The following TBC1D5 variants were observed in gnomAD, a reference collection of about 807,000 sequenced individuals.
TBC1D5 encodes the protein TBC1 domain family member 5.
In TBC1D5, 75 loss-of-function variants were observed where a neutral mutation model predicts 100.3. The observed-to-expected ratio is 0.75, with a 90% CI of 0.62 to 0.91. The LOEUF is 0.91. Ranked by LOEUF, TBC1D5 falls within the 40% of genes least tolerant of loss-of-function variation. The pLI is 0.00. For synonymous variants in TBC1D5, 323 were observed against 325.6 expected, an observed-to-expected ratio of 0.99 and a Z score of 0.09; for missense variants, 910 against 942.4, an observed-to-expected ratio of 0.97 and a Z score of 0.45.
intron 1 of TBC1D5, among the ~76,000 whole-genome samples, chr3:17,671,627 A>C (rs2067953422): frequency 6.6e-6 from 1 of 152,266 alleles, no homozygotes; most frequent in South Asian, 2.1e-4. Flanking sequence ...GGTTTACAGG[A>C]CAATTACAAA....
chr3:17,510,510 T>C (rs963604945), intron 2 of TBC1D5, among the ~76,000 whole-genome samples: 14 of 152,046 alleles, frequency 9.2e-5, no homozygotes, highest in Non-Finnish European at 1.6e-4. Context: ...TTGTCAGTTA[T>C]TTGCTTATGT....
At chr3:17,313,166 C>T (rs939799697) in intron 13 of TBC1D5, among the ~76,000 whole-genome samples, 2 of 152,086 alleles carry the variant, frequency 1.3e-5, no homozygotes, top group African/African-American at 4.8e-5. Flanking sequence ...GGAATCTTAG[C>T]CCTGACAGGA....
At chr3:17,204,500 T>C (rs1228233066) in intron 18 of TBC1D5, among the ~76,000 whole-genome samples, 2 of 152,216 alleles carry the variant, frequency 1.3e-5, no homozygotes, top group Admixed American at 1.3e-4. Context: ...TTGCTTTACT[T>C]GAGCTTTCCC....
intron 15 of TBC1D5, among the ~76,000 whole-genome samples, chr3:17,282,027 T>A (rs2080661098): frequency 6.6e-6 from 1 of 152,208 alleles, no homozygotes; most frequent in African/African-American, 2.4e-5. Flanking sequence ...CTATTTCATA[T>A]ATAATAAGAA....
chr3:17,505,209 A>G (rs1198935983), intron 3 of TBC1D5, among the ~76,000 whole-genome samples: 1 of 152,174 alleles, frequency 6.6e-6, no homozygotes, highest in East Asian at 1.9e-4. Context: ...AAATTTAAGG[A>G]GGTGAATTGA....
intron 13 of TBC1D5, among the ~76,000 whole-genome samples, chr3:17,309,980 G>T (rs151032820): frequency 1.3e-5 from 2 of 152,204 alleles, no homozygotes; most frequent in African/African-American, 4.8e-5. Flanking sequence ...CACAACTACA[G>T]TTAGGAATAC....
At chr3:17,696,312 C>A (rs1166287979) in intron 1 of TBC1D5, among the ~76,000 whole-genome samples, 3 of 152,080 alleles carry the variant, frequency 2.0e-5, no homozygotes, top group Non-Finnish European at 4.4e-5. Flanking sequence ...AATCCAAGAG[C>A]TGGTTTTTTG....
chr3:17,732,720 A>AAATAAAT (rs1690942480), intron 1 of TBC1D5, among the ~76,000 whole-genome samples: 1 of 144,812 alleles, frequency 6.9e-6, no homozygotes, highest in African/African-American at 2.5e-5. Context: ...CCGTCTCAAA[A>AAATAAAT]AAATAAATAA....
chr3:17,558,092 A>G (rs990317974), intron 2 of TBC1D5, among the ~76,000 whole-genome samples: 5 of 152,224 alleles, frequency 3.3e-5, no homozygotes, highest in Admixed American at 2.0e-4. Context: ...TTGTTCTACT[A>G]TAATTCTATT....
At chr3:17,239,674 C>T (rs1388152899) in intron 16 of TBC1D5, among the ~76,000 whole-genome samples, 1 of 152,168 alleles carries the variant, frequency 6.6e-6, no homozygotes, top group Non-Finnish European at 1.5e-5. Context: ...CTCTCTTAAC[C>T]ACTACTTTCT....
At chr3:17,346,935 T>G (rs1207995009) in intron 13 of TBC1D5, among the ~76,000 whole-genome samples, 1 of 152,240 alleles carries the variant, frequency 6.6e-6, no homozygotes, top group Non-Finnish European at 1.5e-5. Context: ...TAAGCTAATT[T>G]GTATAATATA....
chr3:17,566,193 AAG>A (rs778427926), intron 2 of TBC1D5, among the ~76,000 whole-genome samples: 1 of 152,046 alleles, frequency 6.6e-6, no homozygotes, highest in Non-Finnish European at 1.5e-5. Context: ...TGTACACACT[AAG>A]AGTTCATGGA....
intron 15 of TBC1D5, among the ~76,000 whole-genome samples, chr3:17,284,089 T>TACACACACACACACACACACAC (rs58307801): frequency 0.013 from 1,771 of 132,712 alleles, 28 homozygotes; most frequent in Middle Eastern, 0.015. Flanking sequence ...CTCATTATTT[T>TACACACACACACACACACACAC]ACACACACAC....
At chr3:17,329,911 G>C (rs923924914) in intron 13 of TBC1D5, among the ~76,000 whole-genome samples, 7 of 151,974 alleles carry the variant, frequency 4.6e-5, no homozygotes, top group Non-Finnish European at 1.0e-4. Context: ...CTTCATCATG[G>C]GCTACAACTA....
chr3:17,171,287 A>G (rs1391312098), intron 19 of TBC1D5, among the ~76,000 whole-genome samples: 1 of 152,158 alleles, frequency 6.6e-6, no homozygotes, highest in African/African-American at 2.4e-5. Context: ...GTTGTGAAAA[A>G]AAAAAGTAAC....
intron 8 of TBC1D5, among the ~76,000 whole-genome samples, chr3:17,388,924 T>A (rs925614906): frequency 2.6e-5 from 4 of 152,026 alleles, no homozygotes; most frequent in African/African-American, 9.7e-5. Context: ...ACACTACTAA[T>A]AATAAAAATA....
At chr3:17,486,219 T>C (rs1189287841) in intron 3 of TBC1D5, among the ~76,000 whole-genome samples, 1 of 152,132 alleles carries the variant, frequency 6.6e-6, no homozygotes, top group African/African-American at 2.4e-5. Flanking sequence ...TTTGAGTTCA[T>C]TGTAGATTCT....
chr3:17,545,450 C>G (rs1040796999), intron 2 of TBC1D5, among the ~76,000 whole-genome samples: 2 of 152,186 alleles, frequency 1.3e-5, no homozygotes, highest in Non-Finnish European at 2.9e-5. Context: ...GTTTGTGGTA[C>G]CGTGTTACGA....
chr3:17,262,901 G>A (rs1425291704), intron 15 of TBC1D5, among the ~76,000 whole-genome samples: 1 of 151,984 alleles, frequency 6.6e-6, no homozygotes, highest in Non-Finnish European at 1.5e-5. Flanking sequence ...TACCAATTAT[G>A]TTCCATGTCC....
Sources: allele counts gnomAD v4.1 joint callset (sites outside exome capture counted in the v4.1 genomes callset), GRCh38; gene constraint gnomAD v4.1.1; transcripts MANE v1.5; gene names NCBI Gene and HGNC (gene_info 2026-07-23, HGNC 2026-07-21).